Variants in TSHZ2 observed in about 807,000 individuals in gnomAD.
TSHZ2 encodes teashirt homolog 2.
TSHZ2 carries 21 observed loss-of-function variants against 74.4 expected under a neutral mutation model. That is an observed-to-expected ratio of 0.28 (90% CI 0.20 to 0.41). TSHZ2 has a LOEUF of 0.41. Among genes scored for constraint, TSHZ2 ranks in the 10% least tolerant of loss-of-function variants. The probability of loss-of-function intolerance (pLI) is 1.00; values close to 1 mark genes in which losing one functional copy is unlikely to be tolerated. For synonymous variants in TSHZ2, 540 were observed against 515.3 expected (o/e 1.05, Z -0.65); for missense variants, 1,244 against 1,293.5 (o/e 0.96, Z 0.59).
At chr20:53,113,681 T>G (rs1159863414) in intron 1 of TSHZ2, among the ~76,000 whole-genome samples, 1 of 152,252 alleles carries the variant, frequency 6.6e-6, no homozygotes, top group Non-Finnish European at 1.5e-5. Context: ...TGTCCTAGAA[T>G]TGACTCTGAG....
At chr20:53,045,439 G>A (rs1192109049) in intron 1 of TSHZ2, among the ~76,000 whole-genome samples, 1 of 152,182 alleles carries the variant, frequency 6.6e-6, no homozygotes, top group Non-Finnish European at 1.5e-5. Flanking sequence ...CTGAATTCCT[G>A]GATCCTTTTG....
rs1568932176 is a variant in TSHZ2 at position 53,469,781 on chromosome 20, G to A, written c.*9-17363G>A. ...GATAGAGAGGGAGGAAGGGAGGGAG[G>A]GAGGGAGGAAGGAAGGAAGGAAGGA... On this transcript the variant is annotated intron_variant, in intron 2 of 2. Coordinates refer to ENST00000371497, the MANE Select transcript of TSHZ2 (RefSeq NM_173485.6). Among the ~76,000 whole-genome samples, 4 of 134,044 alleles carry A rather than the reference G, an allele frequency of 3.0e-5. 1 individual carries two copies. Among genetic ancestry groups the A allele is most frequent in the Non-Finnish European group, 6.5e-5 (4 of 61,618 alleles). 87.9% of individuals were successfully genotyped at this position (134,044 alleles called of 152,430 possible).
intron 2 of TSHZ2, among the ~76,000 whole-genome samples, chr20:53,447,374 C>T (rs908801622): frequency 1.3e-5 from 2 of 152,198 alleles, no homozygotes; most frequent in Non-Finnish European, 2.9e-5. Context: ...CCCTTTTTTA[C>T]ACCTTTTATT....
intron 1 of TSHZ2, among the ~76,000 whole-genome samples, chr20:53,140,883 AGGTACTCCAG>A (rs1408612621): frequency 3.3e-5 from 5 of 152,190 alleles, no homozygotes; most frequent in African/African-American, 1.2e-4. Flanking sequence ...TGTGGACAGC[AGGTACTCCAG>A]GGTCTTTCCC....
chr20:53,084,290 T>C (rs1985624191), intron 1 of TSHZ2, among the ~76,000 whole-genome samples: 1 of 152,230 alleles, frequency 6.6e-6, no homozygotes, highest in Non-Finnish European at 1.5e-5. Context: ...ATTATTTTTG[T>C]GTTGGAATTA....
In TSHZ2 at chr20:53,007,700, GTGTA is replaced by G. The variant is rs537521227; in HGVS notation, c.40+34377_40+34380del. Among the ~76,000 whole-genome samples, 835 of 151,064 alleles carry G rather than the reference GTGTA, an allele frequency of 5.5e-3. 3 individuals carry two copies. Among genetic ancestry groups the G allele is most frequent in the Non-Finnish European group, 8.6e-3 (585 of 67,746 alleles). On this transcript the variant is annotated intron_variant, in intron 1 of 2. Transcript: ENST00000371497. ...GTATGTATATGCGTGTGTGGTGTGTGTGTATGTATGTATACTCGTGTGTGTGTAT... is the reference window on the plus strand; with the variant it reads ...GTATGTATATGCGTGTGTGGTGTGTGTGTATGTATACTCGTGTGTGTGTAT...
intron 1 of TSHZ2, among the ~76,000 whole-genome samples, chr20:52,991,574 A>G (rs1981994427): frequency 6.8e-6 from 1 of 147,546 alleles, no homozygotes; most frequent in African/African-American, 2.6e-5. Context: ...GTGGGGAGAG[A>G]GAGTGTGAAA....
At chr20:53,205,789 A>G (rs76899423) in intron 1 of TSHZ2, among the ~76,000 whole-genome samples, 4,002 of 152,322 alleles carry the variant, frequency 0.026, 78 homozygotes, top group Middle Eastern at 0.051. Context: ...TAACACTTGT[A>G]GAAGGCATGG....
intron 2 of TSHZ2, among the ~76,000 whole-genome samples, chr20:53,410,110 G>T (rs1400994404): frequency 6.6e-6 from 1 of 152,036 alleles, no homozygotes; most frequent in Non-Finnish European, 1.5e-5. Context: ...GCCTCCCAAA[G>T]TGCTAGGATT....
intron 1 of TSHZ2, among the ~76,000 whole-genome samples, chr20:53,196,691 T>C (rs1486757579): frequency 4.6e-5 from 7 of 152,232 alleles, no homozygotes; most frequent in African/African-American, 1.7e-4. Context: ...AAAAAATATA[T>C]ATACGATCTT....
intron 2 of TSHZ2, among the ~76,000 whole-genome samples, chr20:53,311,798 G>T (rs1978800642): frequency 6.6e-6 from 1 of 152,192 alleles, no homozygotes; most frequent in Non-Finnish European, 1.5e-5. Context: ...CATCTTACCT[G>T]TAGTCAGGCA....
chr20:53,189,841 T>C (rs1471841178), intron 1 of TSHZ2, among the ~76,000 whole-genome samples: 1 of 151,756 alleles, frequency 6.6e-6, no homozygotes, highest in Admixed American at 6.6e-5. Context: ...CCCAGCACTT[T>C]GGGAGGCCAA....
At chr20:53,025,696 C>A (rs899857560) in intron 1 of TSHZ2, among the ~76,000 whole-genome samples, 7 of 152,178 alleles carry the variant, frequency 4.6e-5, no homozygotes, top group Admixed American at 2.6e-4. Context: ...AAAAAGAAAA[C>A]ACAAATAGAT....
At chr20:53,456,577 A>C (rs34165968) in intron 2 of TSHZ2, among the ~76,000 whole-genome samples, 29,167 of 79,716 alleles carry the variant, frequency 0.37, 6,439 homozygotes, top group African/African-American at 0.45. Flanking sequence ...TCCCATTTGT[A>C]AATTTTGTCT....
At chr20:53,022,554 G>A (rs548926477) in intron 1 of TSHZ2, among the ~76,000 whole-genome samples, 1 of 151,362 alleles carries the variant, frequency 6.6e-6, no homozygotes, top group South Asian at 2.1e-4. Context: ...CCTTGTGAAC[G>A]GGAAGCATCT....
intron 2 of TSHZ2, among the ~76,000 whole-genome samples, chr20:53,386,419 C>T (rs1982048472): frequency 6.6e-6 from 1 of 152,184 alleles, no homozygotes; most frequent in African/African-American, 2.4e-5. Context: ...TTGCATATCC[C>T]ATTTTTTGAT....
chr20:53,249,820 G>A (rs967807131), intron 1 of TSHZ2, among the ~76,000 whole-genome samples: 4 of 152,192 alleles, frequency 2.6e-5, no homozygotes, highest in Non-Finnish European at 5.9e-5. Flanking sequence ...TATTGCAAGT[G>A]CAACAGAAAG....
At chr20:52,973,444 T>A in intron 1 of TSHZ2, 111 bp downstream of exon 1, 1 of 1,371,550 alleles carries the variant, frequency 7.3e-7, no homozygotes, top group East Asian at 2.6e-5. Context: ...CGGGGGAGTT[T>A]GCGCCGGGTG....
intron 2 of TSHZ2, among the ~76,000 whole-genome samples, chr20:53,265,794 A>C (rs1990703829): frequency 6.6e-6 from 1 of 152,178 alleles, no homozygotes. Flanking sequence ...TCTTATTCTG[A>C]ACGTCCCACA....
Sources: gnomAD v4.1 joint callset for allele counts (sites outside exome capture counted in the v4.1 genomes callset) on GRCh38, gnomAD v4.1.1 for gene constraint, MANE v1.5 for transcripts, NCBI Gene and HGNC (gene_info 2026-07-23, HGNC 2026-07-21) for gene names.